The following FGFR2 variants were observed in gnomAD, a reference collection of about 807,000 sequenced individuals.
FGFR2 encodes the protein BEK fibroblast growth factor receptor.
FGFR2 carries 19 observed loss-of-function variants against 95.9 expected under a neutral mutation model. That is an observed-to-expected ratio of 0.20 (90% CI 0.14 to 0.29). The LOEUF (loss-of-function observed/expected upper bound fraction) is 0.29. Among genes scored for constraint, FGFR2 ranks in the 10% least tolerant of loss-of-function variants. The pLI, the probability that FGFR2 is intolerant of heterozygous loss-of-function variation, is 1.00. For synonymous variants in FGFR2, 392 were observed against 393.3 expected, an observed-to-expected ratio of 1.00 and a Z score of 0.04; for missense variants, 707 against 1,056.9, an observed-to-expected ratio of 0.67 and a Z score of 4.59.
At chr10:121,504,987 A>C (rs1206650174) in intron 9 of FGFR2, among the ~76,000 whole-genome samples, 1 of 152,232 alleles carries the variant, frequency 6.6e-6, no homozygotes, top group Non-Finnish European at 1.5e-5. Context: ...ACCACGATCC[A>C]TCTCCAAGCA....
Position 121,517,265 on chromosome 10 carries a change from T to G in FGFR2, c.1084+54A>C. The G allele has an allele frequency of 6.3e-7, 1 of 1,578,434 alleles. No individual in the cohort carries two copies. Among genetic ancestry groups the G allele is most frequent in the Non-Finnish European group, 8.7e-7 (1 of 1,147,848 alleles). The stretch of plus-strand genomic sequence containing the variant: ...GATAACAGAAGCTGTGTTAATTTTA[T>G]AGCAGTCAACCAAGAAAAGGGAAAA... On this transcript the variant is annotated intron_variant, in intron 8 of 17. Coordinates refer to ENST00000358487, the MANE Select transcript of FGFR2 (RefSeq NM_000141.5). This position sits in a 1 kb window ranked among gnomAD's most constrained non-coding sequence, Gnocchi z 4.7.
chr10:121,539,345 T>C (rs775402286), intron 5 of FGFR2, among the ~76,000 whole-genome samples: 6 of 152,166 alleles, frequency 3.9e-5, no homozygotes, highest in Non-Finnish European at 7.3e-5. Flanking sequence ...GAATTCCAAA[T>C]ATGGCGGCAA....
At chr10:121,581,986 G>T (rs1048023507) in intron 2 of FGFR2, among the ~76,000 whole-genome samples, 1 of 151,434 alleles carries the variant, frequency 6.6e-6, no homozygotes, top group Non-Finnish European at 1.5e-5. Flanking sequence ...AGGCTGGAAT[G>T]CAATGGCGTG....
chr10:121,503,515 T>C (rs1469129367), intron 10 of FGFR2, among the ~76,000 whole-genome samples: 2 of 152,242 alleles, frequency 1.3e-5, no homozygotes, highest in Non-Finnish European at 2.9e-5. Context: ...TGACGGAGTC[T>C]GAATTGCCCA....
intron 2 of FGFR2, among the ~76,000 whole-genome samples, chr10:121,586,722 TATAA>T (rs1372432156): frequency 1.3e-5 from 2 of 152,254 alleles, no homozygotes. Flanking sequence ...CATACTTGTG[TATAA>T]ATATTTAAAT....
At chr10:121,522,867 TGAG>T (rs1737689227) in intron 6 of FGFR2, among the ~76,000 whole-genome samples, 2 of 152,270 alleles carry the variant, frequency 1.3e-5, no homozygotes, top group South Asian at 2.1e-4. Context: ...CTGAGGGAAA[TGAG>T]GAGAACTCAG....
intron 2 of FGFR2, among the ~76,000 whole-genome samples, chr10:121,577,434 G>A (rs1860090294): frequency 6.6e-6 from 1 of 151,922 alleles, no homozygotes; most frequent in South Asian, 2.1e-4. Context: ...GGTCTTCTCA[G>A]TGTGGAAGGT....
At chr10:121,491,526 A>T (rs1846126564) in intron 13 of FGFR2, among the ~76,000 whole-genome samples, 1 of 152,144 alleles carries the variant, frequency 6.6e-6, no homozygotes, top group Non-Finnish European at 1.5e-5. Context: ...AACCTATGAC[A>T]TGGATAGTGT....
At chr10:121,497,985 T>C (rs767648485) in intron 12 of FGFR2, among the ~76,000 whole-genome samples, 4 of 152,220 alleles carry the variant, frequency 2.6e-5, no homozygotes, top group Non-Finnish European at 4.4e-5. Context: ...CAGTAAACAT[T>C]CAATGGAAGA....
chr10:121,577,910 A>G (rs1860189548), intron 2 of FGFR2, among the ~76,000 whole-genome samples: 1 of 152,018 alleles, frequency 6.6e-6, no homozygotes, highest in African/African-American at 2.4e-5. Flanking sequence ...GAGTCACACC[A>G]CTGAACTGCC....
intron 12 of FGFR2, 32 bp from the exon 13 acceptor site, chr10:121,496,754 G>A (rs754164585): frequency 3.1e-6 from 5 of 1,596,246 alleles, no homozygotes; most frequent in Non-Finnish European, 4.3e-6. Context: ...TCCCTAAAGA[G>A]AGAATCCAGG....
At chr10:121,489,633 C>A (rs1231321283) in intron 13 of FGFR2, among the ~76,000 whole-genome samples, 1 of 152,244 alleles carries the variant, frequency 6.6e-6, no homozygotes, top group Non-Finnish European at 1.5e-5. Flanking sequence ...CACTTCCCCA[C>A]TGACATTCCC....
Position 121,532,452 on chromosome 10 carries a change from A to T in FGFR2, c.748+6140T>A, listed in dbSNP as rs149731583. On this transcript the variant is annotated intron_variant, in intron 6 of 17. Transcript: ENST00000358487. ...CTTCCATCACGAGCAAGTGAGCAGG[A>T]ATGACTGAATCTTGACAGCTTCAGT... Among the ~76,000 whole-genome samples, 367 of 152,332 alleles carry T rather than the reference A, an allele frequency of 2.4e-3. 5 individuals carry two copies. The highest frequency in any genetic ancestry group is 7.7e-3 in the African/African-American group (318 of 41,564).
At position 121,482,282 on chromosome 10, in the gene FGFR2, C is replaced by A. The variant is rs1012891115; in HGVS notation, c.2301+1416G>T. 2.0e-5 allele frequency: 18 copies of A among 921,978 alleles called. No homozygotes were observed. The Admixed American group carries it at 3.7e-4, about 19-fold the overall frequency. The allele number at this position is 921,978 out of a possible 1,614,324, so 57.1% of individuals were successfully genotyped here. ...CAGAAGAAGAAAGTTGGTTTCTTCC[C>A]CCCCTTGAACCGTTCCTTTCCTTTC... On this transcript the variant is annotated intron_variant, in intron 17 of 17. Transcript: ENST00000358487.
Position 121,518,738 on chromosome 10 carries a change from T to C in FGFR2, c.939+1241A>G, listed in dbSNP as rs1234852341. On this transcript the variant is annotated intron_variant, in intron 7 of 17. Coordinates refer to ENST00000358487, the MANE Select transcript of FGFR2 (RefSeq NM_000141.5). The surrounding 1 kb of genome is among the most constrained non-coding windows in gnomAD (Gnocchi z 4.0). The stretch of plus-strand genomic sequence containing the variant: ...AGACTGGTTGGCCTGCCCTATATAA[T>C]TGGAGACCTTACATATATATTCCCC... 2.5e-6 allele frequency: 4 copies of C among 1,614,064 alleles called. No individual in the cohort carries two copies. Among genetic ancestry groups the C allele is most frequent in the South Asian group, 1.1e-5 (1 of 91,086 alleles).
chr10:121,593,296 T>A (rs570291229), intron 2 of FGFR2, among the ~76,000 whole-genome samples: 2 of 152,244 alleles, frequency 1.3e-5, no homozygotes, highest in South Asian at 4.1e-4. Flanking sequence ...GCATTTCAGA[T>A]GTTGGCAATT....
chr10:121,556,326 A>G (rs1446173356), intron 4 of FGFR2, among the ~76,000 whole-genome samples: 1 of 152,002 alleles, frequency 6.6e-6, no homozygotes, highest in Non-Finnish European at 1.5e-5. Context: ...GTGAGAAACC[A>G]TAGGCTGCTG....
chr10:121,524,381 A>G (rs536949337), intron 6 of FGFR2, among the ~76,000 whole-genome samples: 8 of 152,324 alleles, frequency 5.3e-5, no homozygotes, highest in African/African-American at 1.7e-4. Context: ...AGCTGCCTTC[A>G]GTATAAAATG....
intron 6 of FGFR2, among the ~76,000 whole-genome samples, chr10:121,534,540 C>T (rs1384735563): frequency 6.6e-6 from 1 of 151,774 alleles, no homozygotes; most frequent in Non-Finnish European, 1.5e-5. Flanking sequence ...GGATTGCAGG[C>T]GCCCACCACC....
Sources: gnomAD v4.1 joint callset for allele counts (sites outside exome capture counted in the v4.1 genomes callset) on GRCh38, gnomAD v4.1.1 for gene constraint, Gnocchi (gnomAD v3.1) non-coding constraint, MANE v1.5 for transcripts, NCBI Gene and HGNC (gene_info 2026-07-23, HGNC 2026-07-21) for gene names.